The following RABEP1 variants were observed in gnomAD, a reference collection of about 807,000 sequenced individuals.
RABEP1 encodes the protein rabaptin, RAB GTPase binding effector protein 1.
In RABEP1, 51 loss-of-function variants were observed where a neutral mutation model predicts 123.4. That is an observed-to-expected ratio of 0.41 (90% CI 0.33 to 0.52). The LOEUF (loss-of-function observed/expected upper bound fraction) is 0.52, where lower values mean the gene tolerates loss of function less well. Among genes scored for constraint, RABEP1 ranks in the 20% least tolerant of loss-of-function variants. The probability of loss-of-function intolerance (pLI) is 0.16; values close to 1 mark genes in which losing one functional copy is unlikely to be tolerated. For missense variants in RABEP1, 888 were observed against 996.3 expected, an observed-to-expected ratio of 0.89 and a Z score of 1.46; for synonymous variants, 347 against 355.2, an observed-to-expected ratio of 0.98 and a Z score of 0.26.
At chr17:5,308,126 CT>C (rs560778913) in intron 1 of RABEP1, among the ~76,000 whole-genome samples, 69 of 151,394 alleles carry the variant, frequency 4.6e-4, no homozygotes, top group Non-Finnish European at 9.0e-4. Flanking sequence ...TTTAGAAGCT[CT>C]TTTTTTTGTG....
chr17:5,287,598 C>A (rs2074991124), intron 1 of RABEP1, among the ~76,000 whole-genome samples: 2 of 61,176 alleles, frequency 3.3e-5, no homozygotes, highest in African/African-American at 6.8e-5. Flanking sequence ...GACTCTGTCG[C>A]AAAAAAAAAA....
chr17:5,310,253 A>G (rs1292323482), intron 2 of RABEP1, among the ~76,000 whole-genome samples: 1 of 148,990 alleles, frequency 6.7e-6, no homozygotes, highest in East Asian at 2.0e-4. Flanking sequence ...GATGTGAAGG[A>G]TAAAATTTTA....
chr17:5,356,142 TTTAGAG>T (rs1215926587), intron 8 of RABEP1, among the ~76,000 whole-genome samples: 2 of 152,170 alleles, frequency 1.3e-5, no homozygotes, highest in African/African-American at 4.8e-5. Flanking sequence ...CAACTCTTGG[TTTAGAG>T]TTAATCTGAA....
At chr17:5,322,362 A>G (rs9898738) in intron 2 of RABEP1, among the ~76,000 whole-genome samples, 18,372 of 152,042 alleles carry the variant, frequency 0.12, 1,283 homozygotes, top group East Asian at 0.17. Flanking sequence ...GTCTCAAAAG[A>G]AAAAAAAGAA....
At chr17:5,332,536 A>G (rs1278144268) in intron 3 of RABEP1, among the ~76,000 whole-genome samples, 3 of 151,898 alleles carry the variant, frequency 2.0e-5, no homozygotes, top group Non-Finnish European at 4.4e-5. Flanking sequence ...GTAACTGTTT[A>G]CATTGATGAG....
chr17:5,315,564 AT>A (rs2075287223), intron 2 of RABEP1, among the ~76,000 whole-genome samples: 2 of 152,202 alleles, frequency 1.3e-5, no homozygotes, highest in South Asian at 4.1e-4. Flanking sequence ...ATAATAGTAA[AT>A]TCAGGCCGGG....
At chr17:5,353,539 A>T (rs925503394) in intron 7 of RABEP1, among the ~76,000 whole-genome samples, 4 of 152,064 alleles carry the variant, frequency 2.6e-5, no homozygotes, top group African/African-American at 7.2e-5. Flanking sequence ...TTTCTAATGG[A>T]TGTGTAACAT....
intron 1 of RABEP1, among the ~76,000 whole-genome samples, chr17:5,306,545 T>C (rs1183411752): frequency 6.6e-6 from 1 of 151,968 alleles, no homozygotes; most frequent in Admixed American, 6.6e-5. Context: ...GAAGAATTGC[T>C]TGAGTCCGGG....
At chr17:5,374,097 A>G (rs369984248) in intron 13 of RABEP1, among the ~76,000 whole-genome samples, 1 of 152,092 alleles carries the variant, frequency 6.6e-6, no homozygotes, top group African/African-American at 2.4e-5. Flanking sequence ...GAGACAGATA[A>G]TATCTGTCAC....
chr17:5,329,350 C>T (rs570305964), intron 2 of RABEP1, among the ~76,000 whole-genome samples: 14 of 151,940 alleles, frequency 9.2e-5, no homozygotes, highest in African/African-American at 2.9e-4. Context: ...GCCAACAAGG[C>T]GAAACCCCGT....
At chr17:5,322,176 G>C (rs906370037) in intron 2 of RABEP1, among the ~76,000 whole-genome samples, 3 of 152,030 alleles carry the variant, frequency 2.0e-5, no homozygotes, top group Admixed American at 1.3e-4. Flanking sequence ...CTCCAGCCTG[G>C]GCAACAGAAG....
intron 6 of RABEP1, 38 bp from the exon 7 acceptor site, chr17:5,350,413 C>G: frequency 6.4e-7 from 1 of 1,567,332 alleles, no homozygotes; most frequent in East Asian, 2.3e-5. Flanking sequence ...CATTAAAATT[C>G]AGTGTTTTTG....
At chr17:5,340,533 A>G (rs2987) in intron 5 of RABEP1, among the ~76,000 whole-genome samples, 47,209 of 151,838 alleles carry the variant, frequency 0.31, 8,030 homozygotes, top group African/African-American at 0.46. Context: ...TGGGTTATTC[A>G]GGTATTTACG....
At chr17:5,378,360 G>A in intron 15 of RABEP1, 128 bp downstream of exon 15, 3 of 920,780 alleles carry the variant, frequency 3.3e-6, no homozygotes, top group Middle Eastern at 2.1e-4. Context: ...TTTGTCTTGT[G>A]GGAAGAAAAC....
chr17:5,359,120 C>G (rs1045220811), intron 8 of RABEP1, among the ~76,000 whole-genome samples: 1 of 151,002 alleles, frequency 6.6e-6, no homozygotes, highest in Non-Finnish European at 1.5e-5. Flanking sequence ...GTTGCCCAGG[C>G]TGGAGTGCAG....
At chr17:5,313,320 G>C (rs1403429910) in intron 2 of RABEP1, among the ~76,000 whole-genome samples, 1 of 152,194 alleles carries the variant, frequency 6.6e-6, no homozygotes, top group Non-Finnish European at 1.5e-5. Flanking sequence ...CCAGCAGTAT[G>C]ATGCTGGCTA....
chr17:5,300,517 G>A (rs1156895628), intron 1 of RABEP1, among the ~76,000 whole-genome samples: 1 of 152,128 alleles, frequency 6.6e-6, no homozygotes, highest in African/African-American at 2.4e-5. Context: ...CTTTCTTGGG[G>A]TGCAAGCGGG....
rs2074932905 is a variant in RABEP1 at position 5,282,391 on chromosome 17, C to G, written c.-96C>G. ...GTTTCTCTCTGGGCGGCGGCGGCGG[C>G]GGCTCGGTTGACGCCTCCTCCGCCA... is the stretch of plus-strand genomic sequence containing the variant. On this transcript the variant is annotated 5_prime_UTR_variant, in exon 1 of 18. Coordinates refer to ENST00000537505, the MANE Select transcript of RABEP1 (RefSeq NM_004703.6). 5.0e-6 allele frequency: 5 copies of G among 1,005,204 alleles called. No homozygotes were observed. The highest frequency in any genetic ancestry group is 6.6e-6 in the Non-Finnish European group (5 of 757,894). The allele number at this position is 1,005,204 out of a possible 1,614,324, so 62.3% of individuals were successfully genotyped here.
At chr17:5,378,139 T>C (rs1221889279) in intron 14 of RABEP1, 38 bp from the exon 15 acceptor site, 3 of 1,469,132 alleles carry the variant, frequency 2.0e-6, no homozygotes, top group Middle Eastern at 1.8e-4. Context: ...TGCACAATAA[T>C]AGATGAATGC....
Sources: gnomAD v4.1 joint callset for allele counts (sites outside exome capture counted in the v4.1 genomes callset) on GRCh38, gnomAD v4.1.1 for gene constraint, MANE v1.5 for transcripts, NCBI Gene and HGNC (gene_info 2026-07-23, HGNC 2026-07-21) for gene names.